Variants in SUSD1 observed in about 807,000 individuals in gnomAD.
SUSD1 encodes the protein sushi domain-containing protein 1.
In SUSD1, 65 loss-of-function variants were observed where a neutral mutation model predicts 86.9. The observed-to-expected ratio is 0.75, with a 90% CI of 0.61 to 0.92. The LOEUF is 0.92. Ranked by LOEUF, SUSD1 falls within the 40% of genes least tolerant of loss-of-function variation. The pLI, the probability that SUSD1 is intolerant of heterozygous loss-of-function variation, is 0.00. For synonymous variants in SUSD1, 346 were observed against 350.0 expected (o/e 0.99, Z 0.13); for missense variants, 850 against 929.7 (o/e 0.91, Z 1.11).
intron 1 of SUSD1, among the ~76,000 whole-genome samples, chr9:112,161,130 C>T (rs1456942393): frequency 3.3e-5 from 5 of 152,116 alleles, no homozygotes; most frequent in Non-Finnish European, 7.4e-5. Flanking sequence ...TAAATCCCAG[C>T]ACTTTGGGAG....
At chr9:112,105,866 C>G (rs757170892) in intron 8 of SUSD1, among the ~76,000 whole-genome samples, 2 of 152,168 alleles carry the variant, frequency 1.3e-5, no homozygotes, top group African/African-American at 2.4e-5. Context: ...ACATCAGACA[C>G]ATAATAGGTG....
chr9:112,109,623 G>A (rs1365358702), intron 8 of SUSD1, among the ~76,000 whole-genome samples: 3 of 152,060 alleles, frequency 2.0e-5, no homozygotes, highest in Non-Finnish European at 4.4e-5. Flanking sequence ...GGATCTGCCT[G>A]ACTCCAAAGA....
intron 9 of SUSD1, among the ~76,000 whole-genome samples, chr9:112,100,250 G>A (rs964335437): frequency 1.6e-4 from 25 of 152,038 alleles, no homozygotes; most frequent in South Asian, 2.1e-4. Context: ...ACAGTGGTGC[G>A]ATCTTGGCTC....
At position 112,175,140 on chromosome 9, in the gene SUSD1, G is replaced by T; in HGVS notation, c.96C>A (p.Gly32=). 1 of 1,058,674 alleles carries T rather than the reference G, an allele frequency of 9.4e-7. No homozygotes were observed. Among genetic ancestry groups the T allele is most frequent in the Non-Finnish European group, 1.1e-6 (1 of 880,238 alleles). 65.6% of individuals were successfully genotyped at this position (1,058,674 alleles called of 1,614,324 possible). A position where few individuals can be genotyped will look rare whatever the true frequency, so the allele number is the denominator to read the frequency against. ...GTCCCAGCCCGCACTCACCGTCGGGGCCCGGCGCTCCCGCGGCGCCGCGGG... is the reference window on the plus strand; with the variant it reads ...GTCCCAGCCCGCACTCACCGTCGGGTCCCGGCGCTCCCGCGGCGCCGCGGG... ...GLARGAAGAP[G]PDGLDVCATC... is the part of the protein sequence containing the mutation. The change falls in exon 1 of 17, where the codon GGC becomes GGA. Residue 32 remains glycine, a synonymous_variant. Transcript: ENST00000374270. The surrounding 1 kb of genome is among the most constrained non-coding windows in gnomAD (Gnocchi z 4.7).
intron 3 of SUSD1, chr9:112,146,133 C>G (rs1348808375): frequency 1.3e-5 from 2 of 152,168 alleles, no homozygotes; most frequent in African/African-American, 4.8e-5. Context: ...TAAGCTCTGC[C>G]CCAGCTAAAG....
chr9:112,098,981 TA>T (rs1482727960), intron 9 of SUSD1, among the ~76,000 whole-genome samples: 1 of 151,988 alleles, frequency 6.6e-6, no homozygotes, highest in Non-Finnish European at 1.5e-5. Context: ...TGGGCAAAAT[TA>T]TTTTTTTTCC....
At chr9:112,082,175 A>G (rs1829794791) in intron 10 of SUSD1, among the ~76,000 whole-genome samples, 1 of 152,246 alleles carries the variant, frequency 6.6e-6, no homozygotes, top group South Asian at 2.1e-4. Flanking sequence ...ACTGCCAGTA[A>G]ATCTAAGAGA....
chr9:112,113,284 C>T lies in SUSD1; in HGVS notation c.887-416G>A, dbSNP rs940058753. 2.6e-5 allele frequency among the ~76,000 whole-genome samples: 4 copies of T among 152,182 alleles called. No homozygotes were observed. The highest frequency in any genetic ancestry group is 9.7e-5 in the African/African-American group (4 of 41,450). On this transcript the variant is annotated intron_variant, in intron 6 of 16. Coordinates refer to ENST00000374270, the MANE Select transcript of SUSD1 (RefSeq NM_022486.5). The surrounding 1 kb of genome is among the most constrained non-coding windows in gnomAD (Gnocchi z 4.1). ...CCAGCAGAATGATGGGAAACTCCTTCAAGTCACTGCTATCCCCAGGGGGAA... is the reference window on the plus strand; with the variant it reads ...CCAGCAGAATGATGGGAAACTCCTTTAAGTCACTGCTATCCCCAGGGGGAA...
At chr9:112,080,961 T>C (rs1474778231) in intron 10 of SUSD1, among the ~76,000 whole-genome samples, 1 of 152,184 alleles carries the variant, frequency 6.6e-6, no homozygotes, top group Admixed American at 6.6e-5. Context: ...GGTTTGGGCT[T>C]CCTTATCTCT....
intron 15 of SUSD1, among the ~76,000 whole-genome samples, chr9:112,051,416 T>TC (rs1486817279): frequency 1.8e-4 from 21 of 115,908 alleles, no homozygotes; most frequent in East Asian, 6.7e-4. Context: ...TTCTTTTTTT[T>TC]TTTTTTTTTT....
rs537251283 is a variant in SUSD1 at position 112,162,600 on chromosome 9, GA to G, written c.104-4988del. ...TAATAGACATAAATATGATTCTATT[GA>G]AACAATGAAATATGAGAAATTAAGT... is the stretch of plus-strand genomic sequence containing the variant. On this transcript the variant is annotated intron_variant, in intron 1 of 16. Coordinates refer to ENST00000374270, the MANE Select transcript of SUSD1 (RefSeq NM_022486.5). 2.0e-3 allele frequency among the ~76,000 whole-genome samples: 304 copies of G among 152,286 alleles called. 3 individuals are homozygous for G. Among genetic ancestry groups the G allele is most frequent in the Non-Finnish European group, 1.3e-3 (87 of 68,026 alleles).
In SUSD1 at chr9:112,175,088, C is replaced by T. The variant is rs1834218402; in HGVS notation, c.103+45G>A. 1 of 1,002,184 alleles carries T rather than the reference C, an allele frequency of 1.0e-6. No individual in the cohort carries two copies. The allele number at this position is 1,002,184 out of a possible 1,614,324, so 62.1% of individuals were successfully genotyped here. Reference sequence around the variant, plus strand: ...GCGCCCAGAGTCCTCGAGGCCCAGCCGGGGGCCCCGCCGGCCGCCCGTGCC... The same window carrying T: ...GCGCCCAGAGTCCTCGAGGCCCAGCTGGGGGCCCCGCCGGCCGCCCGTGCC... On this transcript the variant is annotated intron_variant, in intron 1 of 16. Coordinates refer to ENST00000374270, the MANE Select transcript of SUSD1 (RefSeq NM_022486.5). The surrounding 1 kb of genome is among the most constrained non-coding windows in gnomAD (Gnocchi z 4.7).
chr9:112,101,255 G>A (rs1830622852), intron 9 of SUSD1, among the ~76,000 whole-genome samples: 1 of 152,078 alleles, frequency 6.6e-6, no homozygotes, highest in South Asian at 2.1e-4. Flanking sequence ...TCAGCTACTT[G>A]GGAGGCTGAG....
At chr9:112,146,122 C>T (rs1179796358) in intron 3 of SUSD1, 1 of 152,224 alleles carries the variant, frequency 6.6e-6, no homozygotes, top group African/African-American at 2.4e-5. Context: ...CCAACACTTG[C>T]TAAGCTCTGC....
intron 1 of SUSD1, among the ~76,000 whole-genome samples, chr9:112,165,176 T>C (rs564381021): frequency 9.7e-4 from 148 of 152,302 alleles, no homozygotes; most frequent in African/African-American, 3.3e-3. Context: ...TTAACTTTTG[T>C]GAGTACATAG....
chr9:112,138,264 TAC>T (rs372069004), intron 5 of SUSD1, among the ~76,000 whole-genome samples: 15 of 61,846 alleles, frequency 2.4e-4, no homozygotes, highest in African/African-American at 6.3e-4. Flanking sequence ...TATGTGTATA[TAC>T]ATATATATAT....
At chr9:112,144,645 T>C (rs539650425) in intron 3 of SUSD1, among the ~76,000 whole-genome samples, 1 of 152,268 alleles carries the variant, frequency 6.6e-6, no homozygotes, top group South Asian at 2.1e-4. Context: ...TTTAATGTTT[T>C]AAATAAGGAA....
chr9:112,149,192 A>C, intron 3 of SUSD1, 52 bp downstream of exon 3: 5 of 1,604,770 alleles, frequency 3.1e-6, no homozygotes, highest in Non-Finnish European at 4.3e-6. Context: ...CACAGCCCAG[A>C]TACTATCCTG....
chr9:112,047,502 T>A (rs1474300999), intron 15 of SUSD1, among the ~76,000 whole-genome samples: 1 of 152,200 alleles, frequency 6.6e-6, no homozygotes, highest in Non-Finnish European at 1.5e-5. Context: ...GGTTATTGGC[T>A]ACATTCAGTT....
Sources: gnomAD v4.1 joint callset for allele counts (sites outside exome capture counted in the v4.1 genomes callset) on GRCh38, gnomAD v4.1.1 for gene constraint, Gnocchi (gnomAD v3.1) non-coding constraint, MANE v1.5 for transcripts, NCBI Gene and HGNC (gene_info 2026-07-23, HGNC 2026-07-21) for gene names.